The following MYO3B variants were observed in gnomAD, a reference collection of about 807,000 sequenced individuals.
MYO3B encodes myosin-IIIb.
MYO3B carries 156 observed loss-of-function variants against 174.6 expected under a neutral mutation model. That is an observed-to-expected ratio of 0.89 (90% CI 0.78 to 1.02). MYO3B has a LOEUF of 1.02. MYO3B is among the 50% of genes least tolerant of loss of function. The pLI, the probability that MYO3B is intolerant of heterozygous loss-of-function variation, is 0.00. For missense variants in MYO3B, 1,632 were observed against 1,639.4 expected (o/e 1.00, Z 0.08); for synonymous variants, 563 against 569.1 (o/e 0.99, Z 0.15).
chr2:170,261,771 TA>T (rs1559343077), intron 7 of MYO3B, among the ~76,000 whole-genome samples: 2 of 152,250 alleles, frequency 1.3e-5, no homozygotes, highest in Non-Finnish European at 2.9e-5. Flanking sequence ...TGTCAGCATT[TA>T]ATCTGCATCT....
intron 12 of MYO3B, among the ~76,000 whole-genome samples, chr2:170,384,094 T>A (rs2094356310): frequency 6.6e-6 from 1 of 152,202 alleles, no homozygotes; most frequent in South Asian, 2.1e-4. Context: ...ATGAATATGA[T>A]GAGAACAGTG....
intron 22 of MYO3B, among the ~76,000 whole-genome samples, chr2:170,415,215 T>C (rs2094570472): frequency 6.6e-6 from 1 of 152,250 alleles, no homozygotes; most frequent in South Asian, 2.1e-4. Context: ...GTGGGTTTTA[T>C]GTAGGTGCCT....
chr2:170,234,486 C>T (rs2093049810), intron 6 of MYO3B, among the ~76,000 whole-genome samples: 4 of 152,200 alleles, frequency 2.6e-5, no homozygotes, highest in African/African-American at 7.2e-5. Flanking sequence ...AAGGATCCAC[C>T]TTCCATTGGT....
chr2:170,407,314 A>T (rs1178369698), intron 21 of MYO3B, among the ~76,000 whole-genome samples: 1 of 151,970 alleles, frequency 6.6e-6, no homozygotes, highest in Non-Finnish European at 1.5e-5. Flanking sequence ...ACAAAAAATT[A>T]TCTGGGCGTG....
intron 8 of MYO3B, among the ~76,000 whole-genome samples, chr2:170,342,572 T>A (rs953893515): frequency 6.6e-6 from 1 of 152,120 alleles, no homozygotes; most frequent in Non-Finnish European, 1.5e-5. Flanking sequence ...CAGTCCTCAG[T>A]TGTCAAATTG....
At chr2:170,355,409 G>A (rs781331360) in intron 8 of MYO3B, among the ~76,000 whole-genome samples, 1 of 152,226 alleles carries the variant, frequency 6.6e-6, no homozygotes, top group Non-Finnish European at 1.5e-5. Context: ...ATTAAGGGAA[G>A]GGTACAAAAT....
chr2:170,267,246 G>A (rs2093391018), intron 7 of MYO3B, among the ~76,000 whole-genome samples: 1 of 152,156 alleles, frequency 6.6e-6, no homozygotes, highest in Non-Finnish European at 1.5e-5. Flanking sequence ...CATCTTGTAG[G>A]GCCCCTTAGT....
chr2:170,216,153 C>T (rs1436475225), intron 5 of MYO3B, among the ~76,000 whole-genome samples: 1 of 149,384 alleles, frequency 6.7e-6, no homozygotes, highest in South Asian at 2.1e-4. Flanking sequence ...CCCACAGATC[C>T]TTGGCAAATC....
chr2:170,405,508 T>A, intron 20 of MYO3B, 37 bp from the exon 21 acceptor site: 1 of 1,600,818 alleles, frequency 6.2e-7, no homozygotes, highest in Non-Finnish European at 8.6e-7. Flanking sequence ...GAGGAAATAA[T>A]TCACATTGTA....
intron 22 of MYO3B, among the ~76,000 whole-genome samples, chr2:170,432,157 TTTAAG>T (rs1462834203): frequency 6.6e-6 from 1 of 152,222 alleles, no homozygotes; most frequent in African/African-American, 2.4e-5. Flanking sequence ...CTTATTTTTT[TTTAAG>T]TTAACTATAA....
intron 1 of MYO3B, among the ~76,000 whole-genome samples, chr2:170,196,376 G>A: frequency 6.6e-6 from 1 of 152,190 alleles, no homozygotes; most frequent in East Asian, 1.9e-4. Context: ...AGCTGGGTGT[G>A]GTAGCACATG....
At chr2:170,303,153 T>C (rs891663210) in intron 7 of MYO3B, among the ~76,000 whole-genome samples, 2 of 152,244 alleles carry the variant, frequency 1.3e-5, no homozygotes, top group Admixed American at 6.5e-5. Flanking sequence ...GTTCCAACTA[T>C]GTTGTCTATG....
At chr2:170,513,928 G>A (rs920939344) in intron 28 of MYO3B, among the ~76,000 whole-genome samples, 6 of 152,328 alleles carry the variant, frequency 3.9e-5, no homozygotes, top group African/African-American at 1.4e-4. Context: ...AGAAAGGTCA[G>A]GGATACCAAA....
At chr2:170,537,891 T>C (rs955543442) in intron 30 of MYO3B, among the ~76,000 whole-genome samples, 1 of 152,184 alleles carries the variant, frequency 6.6e-6, no homozygotes, top group Non-Finnish European at 1.5e-5. Flanking sequence ...AATGGAAAGC[T>C]AACAAAAATC....
At chr2:170,365,275 C>T (rs1015510333) in intron 8 of MYO3B, among the ~76,000 whole-genome samples, 1 of 152,150 alleles carries the variant, frequency 6.6e-6, no homozygotes, top group South Asian at 2.1e-4. Context: ...GGGCTAGAAT[C>T]GAAAATCTCA....
At chr2:170,249,283 A>G (rs1268296435) in intron 7 of MYO3B, among the ~76,000 whole-genome samples, 1 of 152,132 alleles carries the variant, frequency 6.6e-6, no homozygotes, top group East Asian at 1.9e-4. Context: ...CCTCTATATA[A>G]ACGGGCCTTT....
chr2:170,293,166 T>G (rs2093607102), intron 7 of MYO3B, among the ~76,000 whole-genome samples: 2 of 152,112 alleles, frequency 1.3e-5, no homozygotes, highest in Non-Finnish European at 2.9e-5. Flanking sequence ...CTGGTGAAAA[T>G]CTTGGCACTG....
At chr2:170,357,427 CT>C (rs2105629045) in intron 8 of MYO3B, among the ~76,000 whole-genome samples, 1 of 147,340 alleles carries the variant, frequency 6.8e-6, no homozygotes, top group African/African-American at 2.5e-5. Flanking sequence ...TACATTTTAT[CT>C]TTCACATTGT....
rs201822062 is a variant in MYO3B, at chr2:170,299,679, C to A, written c.750-35706C>A. 3.3e-5 allele frequency among the ~76,000 whole-genome samples: 5 copies of A among 152,232 alleles called. No individual in the cohort carries two copies. In the East Asian group the frequency reaches 7.7e-4, roughly 24 times the overall value. On this transcript the variant is annotated intron_variant, in intron 7 of 34. Transcript: ENST00000408978. ...ATTTTGTAACTGGCAAATGGCAGGG[C>A]CAGAATTAGAAATCGAGCAGTCTAG...
Sources: gnomAD v4.1 joint callset for allele counts (sites outside exome capture counted in the v4.1 genomes callset) on GRCh38, gnomAD v4.1.1 for gene constraint, MANE v1.5 for transcripts, NCBI Gene and HGNC (gene_info 2026-07-23, HGNC 2026-07-21) for gene names.